PHF24: variants seen among roughly 807,000 people sequenced by gnomAD.
The protein encoded by PHF24 is Galpha inhibitory interacting protein.
PHF24 carries 25 observed loss-of-function variants against 42.6 expected under a neutral mutation model. That is an observed-to-expected ratio of 0.59 (90% CI 0.43 to 0.82). The LOEUF (loss-of-function observed/expected upper bound fraction) is 0.82. Ranked by LOEUF, PHF24 falls within the 40% of genes least tolerant of loss-of-function variation. PHF24 has a pLI of 0.00. For missense variants in PHF24, 470 were observed against 538.1 expected (o/e 0.87, Z 1.25); for synonymous variants, 185 against 204.8 (o/e 0.90, Z 0.83).
chr9:34,950,117 G>A, the PHF24 span, among the ~76,000 whole-genome samples: 8 of 152,028 alleles, frequency 5.3e-5, no homozygotes, highest in East Asian at 1.5e-3. Flanking sequence ...ATTGACTGGT[G>A]ACGGGTGGAT....
the PHF24 span, chr9:34,895,665 A>T: frequency 2.5e-6 from 1 of 403,552 alleles, no homozygotes. Flanking sequence ...ATGCAGATGG[A>T]TCCATAGGTG....
the PHF24 span, among the ~76,000 whole-genome samples, chr9:34,867,151 C>T: frequency 6.6e-6 from 1 of 152,162 alleles, no homozygotes; most frequent in Admixed American, 6.5e-5. Context: ...AGAAGCAGAG[C>T]AACAGTTAAA....
At chr9:34,829,100 C>A in the PHF24 span, among the ~76,000 whole-genome samples, 1 of 151,958 alleles carries the variant, frequency 6.6e-6, no homozygotes, top group Admixed American at 6.6e-5. Flanking sequence ...GAGAAGTGGT[C>A]ATATTCTGGA....
At chr9:34,907,863 G>A in the PHF24 span, among the ~76,000 whole-genome samples, 2 of 151,942 alleles carry the variant, frequency 1.3e-5, no homozygotes, top group Admixed American at 1.3e-4. Context: ...TTTCCCCCAA[G>A]ATGGAGTCTT....
At chr9:34,689,761 T>A in the PHF24 span, 44 of 1,604,440 alleles carry the variant, frequency 2.7e-5, no homozygotes, top group Non-Finnish European at 3.5e-5. The surrounding 1 kb of genome is among the most constrained non-coding windows in gnomAD (Gnocchi z 4.1). Flanking sequence ...TTCCCCAGGT[T>A]AGGTAATAAT....
the PHF24 span, among the ~76,000 whole-genome samples, chr9:34,908,643 A>G: frequency 1.3e-5 from 2 of 152,102 alleles, no homozygotes; most frequent in African/African-American, 2.4e-5. Flanking sequence ...GGAAACATCT[A>G]TAGGGAGAAG....
the PHF24 span, among the ~76,000 whole-genome samples, chr9:34,940,242 T>C: frequency 1.7e-3 from 257 of 152,128 alleles, no homozygotes; most frequent in African/African-American, 5.3e-3. Flanking sequence ...TGCAGAAAGA[T>C]GGGAGGGAAG....
the PHF24 span, among the ~76,000 whole-genome samples, chr9:34,842,271 A>C: frequency 6.6e-6 from 1 of 152,218 alleles, no homozygotes; most frequent in Non-Finnish European, 1.5e-5. Context: ...GTTTGGGGCT[A>C]CTAGAAATAA....
chr9:34,902,191 T>C, the PHF24 span, among the ~76,000 whole-genome samples: 3 of 152,228 alleles, frequency 2.0e-5, no homozygotes, highest in Admixed American at 2.0e-4. Flanking sequence ...ATTTTGTTTA[T>C]ACCTTGAAAA....
the PHF24 span, among the ~76,000 whole-genome samples, chr9:34,694,928 T>C: frequency 1.3e-5 from 2 of 152,238 alleles, no homozygotes; most frequent in Non-Finnish European, 1.5e-5. Flanking sequence ...GTATGTGATA[T>C]TGTGAAATAT....
the PHF24 span, among the ~76,000 whole-genome samples, chr9:34,948,209 C>T: frequency 5.9e-4 from 87 of 147,730 alleles, no homozygotes; most frequent in African/African-American, 2.0e-3. Context: ...GTGTTTCAAG[C>T]TAAATGTTAT....
chr9:34,714,896 G>C, the PHF24 span, among the ~76,000 whole-genome samples: 3 of 152,162 alleles, frequency 2.0e-5, no homozygotes, highest in Non-Finnish European at 4.4e-5. Flanking sequence ...GAAGCTTCTT[G>C]TTGTGTCAGA....
At chr9:34,976,483 G>A in intron 4 of PHF24, 52 bp from the exon 5 acceptor site, 2 of 1,568,208 alleles carry the variant, frequency 1.3e-6, no homozygotes, top group African/African-American at 1.3e-5. Context: ...TGATGGAGGT[G>A]CCCTGAGGCT....
chr9:34,818,081 A>C, the PHF24 span, among the ~76,000 whole-genome samples: 1 of 152,198 alleles, frequency 6.6e-6, no homozygotes, highest in East Asian at 1.9e-4. Flanking sequence ...TAGTTCTGCT[A>C]TCTTTTTATC....
At chr9:34,949,073 G>T in the PHF24 span, among the ~76,000 whole-genome samples, 4 of 152,138 alleles carry the variant, frequency 2.6e-5, no homozygotes, top group South Asian at 6.2e-4. Flanking sequence ...AAGTATACTG[G>T]AAGATTTAAA....
At chr9:34,679,165 G>A in the PHF24 span, among the ~76,000 whole-genome samples, 2 of 152,206 alleles carry the variant, frequency 1.3e-5, no homozygotes, top group Non-Finnish European at 2.9e-5. Context: ...GGTGGCAGTA[G>A]AATTGGTGGC....
the PHF24 span, among the ~76,000 whole-genome samples, chr9:34,870,470 C>A: frequency 6.6e-6 from 1 of 152,076 alleles, no homozygotes; most frequent in East Asian, 1.9e-4. Flanking sequence ...TTTACTGTCT[C>A]CATAGTTTTA....
At chr9:34,977,725 C>A in intron 7 of PHF24, 84 bp downstream of exon 7, 2 of 1,185,206 alleles carry the variant, frequency 1.7e-6, no homozygotes, top group Non-Finnish European at 1.2e-6. Flanking sequence ...TACCCACTCC[C>A]ACTCCAAAAC....
the PHF24 span, among the ~76,000 whole-genome samples, chr9:34,824,779 G>T: frequency 5.3e-5 from 8 of 152,184 alleles, no homozygotes; most frequent in African/African-American, 1.9e-4. Flanking sequence ...ACAGTTCATG[G>T]GTACAGAGTG....
Sources: allele counts gnomAD v4.1 joint callset (sites outside exome capture counted in the v4.1 genomes callset), GRCh38; gene constraint gnomAD v4.1.1; non-coding constraint Gnocchi (gnomAD v3.1); transcripts MANE v1.5; gene names NCBI Gene and HGNC (gene_info 2026-07-23, HGNC 2026-07-21).